Variants in DRC1 observed in about 807,000 individuals in gnomAD.
DRC1 encodes dynein regulatory complex subunit 1, also known as dynein regulatory complex protein 1.
Under a neutral mutation model 98.7 loss-of-function variants are expected in DRC1, and 74 were observed. That is an observed-to-expected ratio of 0.75 (90% CI 0.62 to 0.91). DRC1 has a LOEUF of 0.91. Ranked by LOEUF, DRC1 falls within the 40% of genes least tolerant of loss-of-function variation. DRC1 has a pLI of 0.00. For missense variants in DRC1, 875 were observed against 886.0 expected, an observed-to-expected ratio of 0.99 and a Z score of 0.16; for synonymous variants, 336 against 334.1, an observed-to-expected ratio of 1.01 and a Z score of -0.06.
chr2:26,453,610 G>T (rs1664067935), intron 14 of DRC1, 61 bp downstream of exon 14: 1 of 1,529,222 alleles, frequency 6.5e-7, no homozygotes, highest in African/African-American at 1.4e-5. Flanking sequence ...GATGGGCTGG[G>T]GAGCCAGGCA....
rs776689162 is a variant in DRC1 at position 26,445,084 on chromosome 2, T to TA, written c.1396+138dup. 6.8e-5 allele frequency: 65 copies of TA among 958,052 alleles called. 1 individual carries two copies. Among genetic ancestry groups the TA allele is most frequent in the Non-Finnish European group, 6.2e-5 (41 of 660,732 alleles). The allele number at this position is 958,052 out of a possible 1,614,324, so 59.3% of individuals were successfully genotyped here. A position where few individuals can be genotyped will look rare whatever the true frequency, so the allele number is the denominator to read the frequency against. ...ATTGGTATCGCTTTTAAGTCTCCTC[T>TA]AATTTATAGCTTTGCTCTCTCTCCT... On this transcript the variant is annotated intron_variant, in intron 10 of 16. Coordinates refer to ENST00000288710, the MANE Select transcript of DRC1 (RefSeq NM_145038.5).
At chr2:26,441,032 C>T (rs1663703682) in intron 8 of DRC1, among the ~76,000 whole-genome samples, 3 of 152,226 alleles carry the variant, frequency 2.0e-5, no homozygotes, top group South Asian at 4.1e-4. Flanking sequence ...GTACTCATGA[C>T]ATGTGCCAGT....
At chr2:26,420,277 G>T (rs1663092797) in intron 2 of DRC1, among the ~76,000 whole-genome samples, 4 of 152,108 alleles carry the variant, frequency 2.6e-5, no homozygotes, top group Admixed American at 2.6e-4. Context: ...GCTGGGAAAG[G>T]TACCTATTTT....
chr2:26,444,503 C>T (rs1283809513), intron 9 of DRC1, 147 bp downstream of exon 9: 2 of 1,189,078 alleles, frequency 1.7e-6, no homozygotes, highest in South Asian at 1.6e-5. Context: ...GTGGTGTGTT[C>T]CCCTGGCCCT....
rs139304048 is a variant in DRC1 at position 26,419,131 on chromosome 2, C to T, written c.244-2157C>T. On this transcript the variant is annotated intron_variant, in intron 2 of 16. Coordinates refer to ENST00000288710, the MANE Select transcript of DRC1 (RefSeq NM_145038.5). ...CTTGAACTCCTGGCCTCAGGTGAAC[C>T]GCCCGTGTTGGCCTCCCAAATTGCT... Among the ~76,000 whole-genome samples the T allele has an allele frequency of 2.6e-3, 389 of 151,980 alleles. 1 individual carries two copies. Among genetic ancestry groups the T allele is most frequent in the African/African-American group, 8.9e-3 (369 of 41,452 alleles).
At chr2:26,448,882 C>CCTGG (rs1270216952) in intron 11 of DRC1, 79 bp downstream of exon 11, 1 of 1,465,916 alleles carries the variant, frequency 6.8e-7, no homozygotes. Flanking sequence ...CCAGTGCTAG[C>CCTGG]CTGGAGTCAG....
chr2:26,404,855 C>T (rs920070085), intron 1 of DRC1, among the ~76,000 whole-genome samples: 1 of 152,182 alleles, frequency 6.6e-6, no homozygotes, highest in Non-Finnish European at 1.5e-5. Context: ...CTTTGCCTCC[C>T]CTGTGTCCTC....
chr2:26,453,604 G>T, intron 14 of DRC1, 55 bp downstream of exon 14: 2 of 1,548,488 alleles, frequency 1.3e-6, no homozygotes, highest in South Asian at 1.2e-5. Context: ...GAGCTGGATG[G>T]GCTGGGGAGC....
At chr2:26,440,144 A>C (rs943017296) in intron 7 of DRC1, among the ~76,000 whole-genome samples, 1 of 151,414 alleles carries the variant, frequency 6.6e-6, no homozygotes, top group African/African-American at 2.4e-5. Context: ...ATATAGGTAC[A>C]AAGATGAATA....
In DRC1 at chr2:26,453,567, A is replaced by G; in HGVS notation, c.1919+18A>G. The G allele has an allele frequency of 2.5e-6, 4 of 1,608,838 alleles. No individual in the cohort carries two copies. The highest frequency in any genetic ancestry group is 1.7e-6 in the Non-Finnish European group (2 of 1,176,778). On this transcript the variant is annotated intron_variant, in intron 14 of 16. Transcript: ENST00000288710. ...AAGCCTAGGTGGGCTGCGGGGCTGG[A>G]AGGCTTGCCTGAGACCAGAACCAGG...
At chr2:26,419,009 C>T (rs1410909501) in intron 2 of DRC1, among the ~76,000 whole-genome samples, 1 of 150,792 alleles carries the variant, frequency 6.6e-6, no homozygotes, top group Non-Finnish European at 1.5e-5. Context: ...CTGCCTCAGC[C>T]TCCCAAGTAG....
At chr2:26,428,966 G>A (rs1203890548) in intron 4 of DRC1, among the ~76,000 whole-genome samples, 1 of 152,126 alleles carries the variant, frequency 6.6e-6, no homozygotes, top group African/African-American at 2.4e-5. Context: ...CAGTAGATAT[G>A]TTCTCGTGTT....
chr2:26,453,603 G>A (rs566128253), intron 14 of DRC1, 54 bp downstream of exon 14: 48 of 1,547,156 alleles, frequency 3.1e-5, no homozygotes, highest in Non-Finnish European at 4.0e-5. Context: ...GGAGCTGGAT[G>A]GGCTGGGGAG....
At chr2:26,456,170 T>C (rs940857465) in intron 16 of DRC1, among the ~76,000 whole-genome samples, 5 of 151,908 alleles carry the variant, frequency 3.3e-5, no homozygotes, top group Non-Finnish European at 5.9e-5. Context: ...GCAGGCTAGA[T>C]TGGGGATGGC....
At chr2:26,418,547 TTATA>T (rs1678892271) in intron 2 of DRC1, among the ~76,000 whole-genome samples, 1 of 113,748 alleles carries the variant, frequency 8.8e-6, no homozygotes, top group Non-Finnish European at 1.6e-5. Flanking sequence ...ATATTATAAA[TTATA>T]TATAATTTAT....
chr2:26,411,996 AAT>A (rs1678625307), intron 1 of DRC1, among the ~76,000 whole-genome samples: 1 of 152,170 alleles, frequency 6.6e-6, no homozygotes, highest in Non-Finnish European at 1.5e-5. Flanking sequence ...TAAGCCTGGC[AAT>A]AGCTGAAGAC....
rs150147954 is a variant in DRC1 at position 26,433,490 on chromosome 2, AG to A, written c.888+1485del. Among the ~76,000 whole-genome samples, 312 of 152,376 alleles carry A rather than the reference AG, an allele frequency of 2.0e-3. 1 individual carries two copies. The highest frequency in any genetic ancestry group is 6.5e-3 in the African/African-American group (270 of 41,586). On this transcript the variant is annotated intron_variant, in intron 7 of 16. Transcript: ENST00000288710. ...GAACACTACAAATCTGTAATACAAT[AG>A]CACTATTTCTGTGGGCTGTACATGT...
chr2:26,451,755 T>A (rs1265560688), intron 13 of DRC1, among the ~76,000 whole-genome samples: 1 of 151,874 alleles, frequency 6.6e-6, no homozygotes, highest in East Asian at 1.9e-4. Flanking sequence ...CACAAAGCCA[T>A]AAAGGGAATA....
chr2:26,408,927 ATTAT>A (rs1420303822), intron 1 of DRC1, among the ~76,000 whole-genome samples: 1 of 151,936 alleles, frequency 6.6e-6, no homozygotes, highest in African/African-American at 2.4e-5. Context: ...ATTTATTTTT[ATTAT>A]TTATTTATTT....
Sources: gnomAD v4.1 joint callset for allele counts (sites outside exome capture counted in the v4.1 genomes callset) on GRCh38, gnomAD v4.1.1 for gene constraint, MANE v1.5 for transcripts, NCBI Gene and HGNC (gene_info 2026-07-23, HGNC 2026-07-21) for gene names.